Variants in EPHA6 observed in about 807,000 individuals in gnomAD.
The protein encoded by EPHA6 is ephrin type-A receptor 6.
A neutral mutation model predicts 112.0 loss-of-function variants in EPHA6; 50 were observed. The observed-to-expected ratio is 0.45, with a 90% CI of 0.36 to 0.56. The LOEUF (loss-of-function observed/expected upper bound fraction) is 0.56. Among genes scored for constraint, EPHA6 ranks in the 20% least tolerant of loss-of-function variants. The probability of loss-of-function intolerance (pLI) is 0.00; values close to 1 mark genes in which losing one functional copy is unlikely to be tolerated. For missense variants in EPHA6, 1,280 were observed against 1,417.4 expected, an observed-to-expected ratio of 0.90 and a Z score of 1.56; for synonymous variants, 529 against 490.7, an observed-to-expected ratio of 1.08 and a Z score of -1.03.
intron 3 of EPHA6, among the ~76,000 whole-genome samples, chr3:97,072,147 T>C (rs1185550272): frequency 6.6e-6 from 1 of 152,098 alleles, no homozygotes; most frequent in East Asian, 1.9e-4. Context: ...CCAGCCCAAA[T>C]GCCCATCAAT....
intron 12 of EPHA6, among the ~76,000 whole-genome samples, chr3:97,605,042 T>C (rs2093670425): frequency 6.6e-6 from 1 of 151,578 alleles, no homozygotes; most frequent in Admixed American, 6.6e-5. Flanking sequence ...CAGACACCTA[T>C]GTTGTTAACA....
rs150876342 is a variant in EPHA6 at position 97,252,653 on chromosome 3, G to T, written c.1606+8366G>T. 2.0e-4 allele frequency among the ~76,000 whole-genome samples: 30 copies of T among 152,158 alleles called. 1 individual carries two copies. In the East Asian group the frequency reaches 5.8e-3, roughly 29 times the overall value. On this transcript the variant is annotated intron_variant, in intron 5 of 17. Transcript: ENST00000389672. ...TGGAAGACTGCATGGCTAAGAGTGG[G>T]GGAGTGTGCCAGGGAGAACGCATCC... is the stretch of plus-strand genomic sequence containing the variant.
intron 5 of EPHA6, among the ~76,000 whole-genome samples, chr3:97,358,686 T>G (rs2084209998): frequency 6.6e-6 from 1 of 152,162 alleles, no homozygotes; most frequent in Admixed American, 6.5e-5. Flanking sequence ...ACTTACTGTC[T>G]AATGTCTTTT....
At chr3:97,183,707 G>A (rs1456868063) in intron 3 of EPHA6, among the ~76,000 whole-genome samples, 1 of 152,064 alleles carries the variant, frequency 6.6e-6, no homozygotes, top group Admixed American at 6.6e-5. Flanking sequence ...TGTGGTGTGT[G>A]GGTGTGCACA....
chr3:97,337,708 G>A lies in EPHA6; in HGVS notation c.1607-67442G>A, dbSNP rs1412369511. Among the ~76,000 whole-genome samples, 4 of 152,158 alleles carry A rather than the reference G, an allele frequency of 2.6e-5. No individual in the cohort carries two copies. In the East Asian group the frequency reaches 5.8e-4, roughly 22 times the overall value. ...TCTTGGATTATAACTGGAAAAATGA[G>A]TCCATCAGCCCCGAAAGCTGTATCC... On this transcript the variant is annotated intron_variant, in intron 5 of 17. Coordinates refer to ENST00000389672, the MANE Select transcript of EPHA6 (RefSeq NM_001080448.3).
At chr3:97,130,695 A>G (rs143740967) in intron 3 of EPHA6, among the ~76,000 whole-genome samples, 213 of 152,256 alleles carry the variant, frequency 1.4e-3, no homozygotes, top group African/African-American at 4.5e-3. Flanking sequence ...ATGCATATTA[A>G]TTCATCTGAC....
chr3:96,950,625 A>G (rs980422614), intron 2 of EPHA6, among the ~76,000 whole-genome samples: 6 of 152,140 alleles, frequency 3.9e-5, no homozygotes, highest in African/African-American at 1.4e-4. Flanking sequence ...TAATCTTCCA[A>G]AGATACTCTT....
At chr3:97,452,736 A>G (rs1358305269) in intron 7 of EPHA6, among the ~76,000 whole-genome samples, 1 of 147,794 alleles carries the variant, frequency 6.8e-6, no homozygotes, top group Admixed American at 6.8e-5. Context: ...TAAAATCTAT[A>G]TTATGCCCCA....
At chr3:97,393,053 C>G (rs1200616269) in intron 5 of EPHA6, among the ~76,000 whole-genome samples, 1 of 151,744 alleles carries the variant, frequency 6.6e-6, no homozygotes, top group African/African-American at 2.4e-5. Context: ...TTAATATAAA[C>G]AGATGTTATA....
intron 2 of EPHA6, among the ~76,000 whole-genome samples, chr3:96,975,774 C>A (rs1409526077): frequency 6.6e-6 from 1 of 152,124 alleles, no homozygotes; most frequent in East Asian, 1.9e-4. Context: ...AAAGAGCTCA[C>A]AAAATGACCA....
chr3:97,614,477 G>A (rs886452703), intron 13 of EPHA6, among the ~76,000 whole-genome samples: 33 of 149,318 alleles, frequency 2.2e-4, no homozygotes, highest in African/African-American at 7.9e-4. Flanking sequence ...TGGAACTACA[G>A]GTGTGCACCA....
rs549975066 is a variant in EPHA6 at position 97,298,576 on chromosome 3, A to T, written c.1606+54289A>T. Among the ~76,000 whole-genome samples, 19 of 152,278 alleles carry T rather than the reference A, an allele frequency of 1.2e-4. No individual in the cohort carries two copies. The South Asian group carries it at 2.1e-3, about 17-fold the overall frequency. ...AGTTTTCTTAAACTTAAGCCACCTA[A>T]ATTGTCTATAATGTGATAGGAATGC... is the stretch of plus-strand genomic sequence containing the variant. On this transcript the variant is annotated intron_variant, in intron 5 of 17. Transcript: ENST00000389672.
chr3:97,390,095 T>A (rs188011958), intron 5 of EPHA6, among the ~76,000 whole-genome samples: 1 of 152,202 alleles, frequency 6.6e-6, no homozygotes, highest in African/African-American at 2.4e-5. Context: ...ATGACCCATA[T>A]CCTCAGGAAG....
In EPHA6 at chr3:97,183,756, T is replaced by G. The variant is rs189607167; in HGVS notation, c.1115-42508T>G. Among the ~76,000 whole-genome samples, 129 of 152,176 alleles carry G rather than the reference T, an allele frequency of 8.5e-4. 1 individual carries two copies. Among genetic ancestry groups the G allele is most frequent in the African/African-American group, 2.8e-3 (118 of 41,550 alleles). Reference sequence around the variant, plus strand: ...GTGTTTTCCTGGCCGTAACTTCAGGTAAGATCTTGTCATGTCAGCATTGTA... The same window carrying G: ...GTGTTTTCCTGGCCGTAACTTCAGGGAAGATCTTGTCATGTCAGCATTGTA... On this transcript the variant is annotated intron_variant, in intron 3 of 17. Coordinates refer to ENST00000389672, the MANE Select transcript of EPHA6 (RefSeq NM_001080448.3).
chr3:96,842,020 C>T (rs2034783002), intron 1 of EPHA6, among the ~76,000 whole-genome samples: 1 of 152,018 alleles, frequency 6.6e-6, no homozygotes, highest in South Asian at 2.1e-4. Flanking sequence ...ATATCATGCA[C>T]CTGTGTTGCA....
intron 5 of EPHA6, among the ~76,000 whole-genome samples, chr3:97,314,494 A>C (rs925997180): frequency 6.6e-6 from 1 of 151,660 alleles, no homozygotes; most frequent in Admixed American, 6.6e-5. Context: ...TCAATGTCTT[A>C]GATTTTCAGC....
chr3:97,654,530 T>G (rs1430261205), intron 14 of EPHA6, among the ~76,000 whole-genome samples: 1 of 151,888 alleles, frequency 6.6e-6, no homozygotes, highest in Non-Finnish European at 1.5e-5. Flanking sequence ...AAAATAAAAG[T>G]GAGTAGCTAC....
At position 97,327,053 on chromosome 3, in the gene EPHA6, C is replaced by T. The variant is rs567583159; in HGVS notation, c.1607-78097C>T. On this transcript the variant is annotated intron_variant, in intron 5 of 17. Coordinates refer to ENST00000389672, the MANE Select transcript of EPHA6 (RefSeq NM_001080448.3). ...ATCTTTTGCCAATGAAACCACAAGT[C>T]TGTTTTATGAGGGAGGTTAAGCCTG... 9.2e-5 allele frequency among the ~76,000 whole-genome samples: 14 copies of T among 152,110 alleles called. No individual in the cohort carries two copies. The East Asian group carries it at 2.3e-3, about 25-fold the overall frequency.
chr3:97,527,481 A>C (rs2107636540), intron 10 of EPHA6, among the ~76,000 whole-genome samples: 1 of 152,038 alleles, frequency 6.6e-6, no homozygotes, highest in Middle Eastern at 3.4e-3. Context: ...CTCATCCCCT[A>C]GATATCTGTT....
Sources: allele counts gnomAD v4.1 joint callset (sites outside exome capture counted in the v4.1 genomes callset), GRCh38; gene constraint gnomAD v4.1.1; transcripts MANE v1.5; gene names NCBI Gene and HGNC (gene_info 2026-07-23, HGNC 2026-07-21).